The following SOAT1 variants were observed in gnomAD, a reference collection of about 807,000 sequenced individuals.
The protein encoded by SOAT1 is acyl-coenzyme A:cholesterol acyltransferase 1.
SOAT1 carries 55 observed loss-of-function variants against 69.5 expected under a neutral mutation model. That is an observed-to-expected ratio of 0.79 (90% CI 0.64 to 0.99). The LOEUF (loss-of-function observed/expected upper bound fraction) is 0.99. Ranked by LOEUF, SOAT1 falls within the 50% of genes least tolerant of loss-of-function variation. The pLI is 0.00. For synonymous variants in SOAT1, 231 were observed against 224.7 expected, an observed-to-expected ratio of 1.03 and a Z score of -0.25; for missense variants, 580 against 669.3, an observed-to-expected ratio of 0.87 and a Z score of 1.47.
intron 1 of SOAT1, chr1:179,294,444 AAAT>A (rs1558032064): frequency 6.6e-6 from 1 of 152,264 alleles, no homozygotes; most frequent in Non-Finnish European, 1.5e-5. Context: ...CATGTAATTT[AAAT>A]AATATGTATA....
At chr1:179,334,896 TC>T (rs1420448457) in intron 3 of SOAT1, among the ~76,000 whole-genome samples, 1 of 150,500 alleles carries the variant, frequency 6.6e-6, no homozygotes, top group African/African-American at 2.4e-5. Flanking sequence ...ATGCCTGTAA[TC>T]CCAGCTACTC....
In SOAT1 at chr1:179,355,565, CAG is replaced by C. The variant is rs1468545541; in HGVS notation, c.*1927_*1928del. 2.6e-5 allele frequency: 4 copies of C among 154,052 alleles called. No individual in the cohort carries two copies. Among genetic ancestry groups the C allele is most frequent in the African/African-American group, 7.2e-5 (3 of 41,572 alleles). 9.5% of individuals were successfully genotyped at this position (154,052 alleles called of 1,614,324 possible). On this transcript the variant is annotated 3_prime_UTR_variant, in exon 16 of 16. Transcript: ENST00000367619. ...TTTGTTTGTTTGTTTGTTTTTGAGA[CAG>C]AGTCTTGCTCTGTCGCCGGGGCTGG... is the stretch of plus-strand genomic sequence containing the variant.
intron 4 of SOAT1, among the ~76,000 whole-genome samples, chr1:179,336,058 G>A (rs192598559): frequency 8.9e-4 from 135 of 151,946 alleles, no homozygotes; most frequent in Non-Finnish European, 1.6e-3. Context: ...CTGCTACTCA[G>A]GAGGCTGAGG....
intron 6 of SOAT1, 91 bp from the exon 7 acceptor site, chr1:179,340,937 A>G (rs1422569505): frequency 1.7e-6 from 2 of 1,180,016 alleles, no homozygotes; most frequent in African/African-American, 3.1e-5. Flanking sequence ...CTAAGGTTGA[A>G]AGTTTGGTGT....
At chr1:179,326,292 G>A (rs908462517) in intron 3 of SOAT1, among the ~76,000 whole-genome samples, 6 of 152,042 alleles carry the variant, frequency 3.9e-5, no homozygotes, top group African/African-American at 1.4e-4. Flanking sequence ...CAAATTCTAG[G>A]TCAAATCTTG....
At chr1:179,311,418 A>AG (rs869203315) in intron 2 of SOAT1, among the ~76,000 whole-genome samples, 1 of 40,620 alleles carries the variant, frequency 2.5e-5, no homozygotes, top group Non-Finnish European at 6.3e-5. Flanking sequence ...TGGAGGCCAT[A>AG]ATGTCTTCAG....
At chr1:179,340,989 T>C in intron 6 of SOAT1, 39 bp from the exon 7 acceptor site, 1 of 1,586,618 alleles carries the variant, frequency 6.3e-7, no homozygotes, top group Middle Eastern at 1.7e-4. Context: ...ATATTAAAAA[T>C]TCACCTCTAT....
chr1:179,309,945 A>G (rs1665164952), intron 2 of SOAT1, among the ~76,000 whole-genome samples: 1 of 151,688 alleles, frequency 6.6e-6, no homozygotes, highest in African/African-American at 2.4e-5. Flanking sequence ...CCCAGGCTGG[A>G]GTGGAGTGCA....
chr1:179,308,419 C>G (rs934274584), intron 2 of SOAT1, among the ~76,000 whole-genome samples: 1 of 151,950 alleles, frequency 6.6e-6, no homozygotes, highest in African/African-American at 2.4e-5. Context: ...CTCCTGTAAT[C>G]CCAGCACTTT....
chr1:179,333,479 A>G (rs1013892677), intron 3 of SOAT1, among the ~76,000 whole-genome samples: 3 of 151,950 alleles, frequency 2.0e-5, no homozygotes, highest in Non-Finnish European at 4.4e-5. Flanking sequence ...AGGTGGGCGG[A>G]TCACTTGAGG....
rs1268742512 is a variant in SOAT1, at chr1:179,341,027, G to C, written c.498-1G>C. ...TCTTTTTCTGTACCTTTTCTCCCCA[G>C]GCTGGTGCTTGAGTTCAGCCTCCTG... On this transcript the variant is annotated splice_acceptor_variant, in intron 6 of 15. Transcript: ENST00000367619. LOFTEE classifies it high-confidence loss of function. 6.2e-7 allele frequency: 1 copy of C among 1,613,504 alleles called. No individual in the cohort carries two copies. The highest frequency in any genetic ancestry group is 1.1e-5 in the South Asian group (1 of 91,040).
At chr1:179,300,369 T>G (rs566485713) in intron 1 of SOAT1, among the ~76,000 whole-genome samples, 1 of 152,200 alleles carries the variant, frequency 6.6e-6, no homozygotes, top group Non-Finnish European at 1.5e-5. Context: ...CTGTCACTTT[T>G]ACACAGAATT....
chr1:179,314,668 C>T (rs1320766736), intron 2 of SOAT1, among the ~76,000 whole-genome samples: 1 of 152,030 alleles, frequency 6.6e-6, no homozygotes, highest in African/African-American at 2.4e-5. Flanking sequence ...TCAAGTGACC[C>T]TCCTGTCTCA....
At chr1:179,315,155 T>C (rs534158105) in intron 2 of SOAT1, among the ~76,000 whole-genome samples, 9 of 152,262 alleles carry the variant, frequency 5.9e-5, no homozygotes, top group East Asian at 3.9e-4. Context: ...CTTCAAATCA[T>C]TGGATGTGGG....
At chr1:179,349,672 C>A (rs1336657455) in intron 13 of SOAT1, among the ~76,000 whole-genome samples, 2 of 152,124 alleles carry the variant, frequency 1.3e-5, no homozygotes, top group Non-Finnish European at 2.9e-5. Flanking sequence ...GATTTTGTAT[C>A]TCTCCAATCA....
Position 179,318,164 on chromosome 1 carries a change from C to G in SOAT1, c.119-5273C>G, listed in dbSNP as rs76588862. On this transcript the variant is annotated intron_variant, in intron 2 of 15. Transcript: ENST00000367619. ...GAGCTGTGATTGTGCCACTGCAGTCCAACCTAGATGACAGAGTGAGATCCT... is the reference window on the plus strand; with the variant it reads ...GAGCTGTGATTGTGCCACTGCAGTCGAACCTAGATGACAGAGTGAGATCCT... 2.7e-3 allele frequency among the ~76,000 whole-genome samples: 405 copies of G among 150,002 alleles called. 12 individuals are homozygous for G. The East Asian group carries it at 0.07, about 26-fold the overall frequency.
At chr1:179,324,351 T>C (rs756422049) in intron 3 of SOAT1, among the ~76,000 whole-genome samples, 1 of 152,200 alleles carries the variant, frequency 6.6e-6, no homozygotes, top group Non-Finnish European at 1.5e-5. Context: ...TCATCTAATG[T>C]GTTGGAAATC....
chr1:179,325,665 T>C (rs1176915067), intron 3 of SOAT1, among the ~76,000 whole-genome samples: 1 of 152,154 alleles, frequency 6.6e-6, no homozygotes, highest in African/African-American at 2.4e-5. Flanking sequence ...GTCTCTGCTA[T>C]CATTCCTCTA....
chr1:179,313,888 A>C (rs1353811604), intron 2 of SOAT1, among the ~76,000 whole-genome samples: 3 of 152,176 alleles, frequency 2.0e-5, no homozygotes, highest in Non-Finnish European at 4.4e-5. Flanking sequence ...CTGGCCACAC[A>C]TTGTATGTTT....
Sources: gnomAD v4.1 joint callset for allele counts (sites outside exome capture counted in the v4.1 genomes callset) on GRCh38, gnomAD v4.1.1 for gene constraint, MANE v1.5 for transcripts, NCBI Gene and HGNC (gene_info 2026-07-23, HGNC 2026-07-21) for gene names.